The following ACTR1A variants were observed in gnomAD, a reference collection of about 807,000 sequenced individuals.
ACTR1A encodes actin related protein 1A.
ACTR1A carries 10 observed loss-of-function variants against 50.7 expected under a neutral mutation model. That is an observed-to-expected ratio of 0.20 (90% CI 0.12 to 0.33). ACTR1A has a LOEUF of 0.33. Among genes scored for constraint, ACTR1A ranks in the 10% least tolerant of loss-of-function variants. ACTR1A has a pLI of 1.00. For synonymous variants in ACTR1A, 177 were observed against 184.2 expected (o/e 0.96, Z 0.32); for missense variants, 253 against 491.7 (o/e 0.51, Z 4.59).
In ACTR1A at chr10:102,480,745, A is replaced by G; in HGVS notation, c.*118T>C. ...CCACACGGCACTCGCATGTGCACAC[A>G]CACTCATATCCACACACGCACTCAC... is the stretch of plus-strand genomic sequence containing the variant. On this transcript the variant is annotated 3_prime_UTR_variant, in exon 11 of 11. Transcript: ENST00000369905. The G allele has an allele frequency of 3.5e-6, 3 of 860,406 alleles. No homozygotes were observed. Among genetic ancestry groups the G allele is most frequent in the Non-Finnish European group, 5.9e-6 (3 of 510,926 alleles). The allele number at this position is 860,406 out of a possible 1,614,324, so 53.3% of individuals were successfully genotyped here. A position where few individuals can be genotyped will look rare whatever the true frequency, so the allele number is the denominator to read the frequency against.
rs1170805838 is a variant in ACTR1A, at chr10:102,480,098, T to G, written c.*765A>C. The G allele has an allele frequency of 6.3e-6, 1 of 159,480 alleles. No individual in the cohort carries two copies. Among genetic ancestry groups the G allele is most frequent in the African/African-American group, 2.4e-5 (1 of 41,550 alleles). The allele number at this position is 159,480 out of a possible 1,614,324, so 9.9% of individuals were successfully genotyped here. On this transcript the variant is annotated 3_prime_UTR_variant, in exon 11 of 11. Coordinates refer to ENST00000369905, the MANE Select transcript of ACTR1A (RefSeq NM_005736.4). ...CAAACACTTCAATAAATAAAACGGT[T>G]TGAAGATGGCATTGCAACAAGAACA...
intron 6 of ACTR1A, 104 bp from the exon 7 acceptor site, chr10:102,483,207 G>T (rs998011336): frequency 1.2e-5 from 11 of 893,618 alleles, no homozygotes; most frequent in Non-Finnish European, 1.9e-5. Context: ...TCTAAACGTT[G>T]TGATGGCCCC....
At position 102,488,980 on chromosome 10, in the gene ACTR1A, C is replaced by T. The variant is rs138467366; in HGVS notation, c.189+83G>A. ...TTGCCCCTTTTACTTATGGGTATGTCCAAATGTTGGGACATGTTCCATGTG... is the reference window on the plus strand; with the variant it reads ...TTGCCCCTTTTACTTATGGGTATGTTCAAATGTTGGGACATGTTCCATGTG... On this transcript the variant is annotated intron_variant, in intron 3 of 10. Transcript: ENST00000369905. This position sits in a 1 kb window ranked among gnomAD's most constrained non-coding sequence, Gnocchi z 4.4. 1.8e-4 allele frequency: 193 copies of T among 1,085,582 alleles called. 1 individual carries two copies. The African/African-American group carries it at 2.7e-3, about 15-fold the overall frequency. The allele number at this position is 1,085,582 out of a possible 1,614,324, so 67.2% of individuals were successfully genotyped here.
chr10:102,500,843 T>C (rs553643726), intron 1 of ACTR1A, among the ~76,000 whole-genome samples: 1 of 151,952 alleles, frequency 6.6e-6, no homozygotes, highest in East Asian at 1.9e-4. Flanking sequence ...GAGGCCAAGG[T>C]AGGAGAATCG....
chr10:102,488,972 G>A lies in ACTR1A; in HGVS notation c.189+91C>T. The A allele has an allele frequency of 1.1e-6, 1 of 943,414 alleles. No homozygotes were observed. The highest frequency in any genetic ancestry group is 2.8e-5 in the South Asian group (1 of 35,398). The allele number at this position is 943,414 out of a possible 1,614,324, so 58.4% of individuals were successfully genotyped here. On this transcript the variant is annotated intron_variant, in intron 3 of 10. Coordinates refer to ENST00000369905, the MANE Select transcript of ACTR1A (RefSeq NM_005736.4). This position sits in a 1 kb window ranked among gnomAD's most constrained non-coding sequence, Gnocchi z 4.4. Reference sequence around the variant, plus strand: ...AGAGAAAGTTGCCCCTTTTACTTATGGGTATGTCCAAATGTTGGGACATGT... The same window carrying A: ...AGAGAAAGTTGCCCCTTTTACTTATAGGTATGTCCAAATGTTGGGACATGT...
chr10:102,489,760 GC>G (rs1289124423), intron 2 of ACTR1A, among the ~76,000 whole-genome samples: 2 of 152,200 alleles, frequency 1.3e-5, no homozygotes, highest in African/African-American at 4.8e-5. Flanking sequence ...GTTGCAGTGA[GC>G]CGAGATTGCG....
intron 1 of ACTR1A, among the ~76,000 whole-genome samples, chr10:102,497,285 C>T (rs2062227046): frequency 1.3e-5 from 2 of 151,822 alleles, no homozygotes; most frequent in South Asian, 4.2e-4. Context: ...TATGGATGTT[C>T]CTTACACTAT....
At chr10:102,491,756 G>C (rs897717748) in intron 1 of ACTR1A, among the ~76,000 whole-genome samples, 4 of 152,096 alleles carry the variant, frequency 2.6e-5, no homozygotes, top group Admixed American at 2.6e-4. Flanking sequence ...ATTGCTTGTA[G>C]ATACACCCTG....
At chr10:102,501,395 A>G (rs564768074) in intron 1 of ACTR1A, among the ~76,000 whole-genome samples, 8 of 152,316 alleles carry the variant, frequency 5.3e-5, no homozygotes, top group African/African-American at 1.9e-4. Context: ...CTGAATCAAC[A>G]AAGGGAATCT....
chr10:102,500,351 C>T (rs1291431954), intron 1 of ACTR1A, among the ~76,000 whole-genome samples: 1 of 151,926 alleles, frequency 6.6e-6, no homozygotes, highest in Non-Finnish European at 1.5e-5. Flanking sequence ...GGGCGGATCA[C>T]GAGGTCAGGA....
chr10:102,495,011 A>T (rs1259774442), intron 1 of ACTR1A, among the ~76,000 whole-genome samples: 1 of 151,830 alleles, frequency 6.6e-6, no homozygotes, highest in Non-Finnish European at 1.5e-5. Flanking sequence ...GGGTTTCACC[A>T]TGTTGGCCAG....
intron 1 of ACTR1A, among the ~76,000 whole-genome samples, chr10:102,498,090 CAA>C (rs10719520): frequency 4.8e-4 from 63 of 130,486 alleles, no homozygotes; most frequent in Admixed American, 6.2e-4. Flanking sequence ...GACCTTGTCT[CAA>C]AAAAAAAAAA....
chr10:102,491,070 G>C (rs1210145332), intron 1 of ACTR1A, among the ~76,000 whole-genome samples: 1 of 152,120 alleles, frequency 6.6e-6, no homozygotes, highest in Non-Finnish European at 1.5e-5. Flanking sequence ...CACACCAAAA[G>C]AAGGGAAGTG....
At chr10:102,485,465 CCTCT>C in intron 5 of ACTR1A, 140 bp downstream of exon 5, 8 of 1,137,796 alleles carry the variant, frequency 7.0e-6, no homozygotes, top group Non-Finnish European at 9.8e-6. Flanking sequence ...TCAGCAAAAG[CCTCT>C]CTCTCTTTCC....
intron 6 of ACTR1A, 104 bp downstream of exon 6, chr10:102,484,056 C>T: frequency 2.7e-6 from 3 of 1,097,956 alleles, no homozygotes; most frequent in Non-Finnish European, 4.0e-6. Flanking sequence ...CACCAGGGAC[C>T]CCCAGGCAGG....
Position 102,493,001 on chromosome 10 carries a change from CAAAAAAA to C in ACTR1A, c.49-2395_49-2389del, listed in dbSNP as rs398014648. The stretch of plus-strand genomic sequence containing the variant: ...AGGGAGACAGAGTGAGACTCCACCT[CAAAAAAA>C]AAAAAAAAAAAAAAAAGAAGTGGTT... On this transcript the variant is annotated intron_variant, in intron 1 of 10. Coordinates refer to ENST00000369905, the MANE Select transcript of ACTR1A (RefSeq NM_005736.4). Among the ~76,000 whole-genome samples, 3 of 48,930 alleles carry C rather than the reference CAAAAAAA, an allele frequency of 6.1e-5. No homozygotes were observed. The East Asian group carries it at 1.9e-3, about 31-fold the overall frequency. The allele number at this position is 48,930 out of a possible 152,430, so 32.1% of individuals were successfully genotyped here.
At chr10:102,494,895 C>T (rs993163477) in intron 1 of ACTR1A, among the ~76,000 whole-genome samples, 2 of 152,180 alleles carry the variant, frequency 1.3e-5, no homozygotes, top group African/African-American at 4.8e-5. Context: ...ACTGTAACCT[C>T]CGCCTCCTGG....
Position 102,482,309 on chromosome 10 carries a change from A to G in ACTR1A, c.751-134T>C. 1.3e-6 allele frequency: 1 copy of G among 797,566 alleles called. No individual in the cohort carries two copies. Among genetic ancestry groups the G allele is most frequent in the Non-Finnish European group, 2.0e-6 (1 of 495,332 alleles). 49.4% of individuals were successfully genotyped at this position (797,566 alleles called of 1,614,324 possible). A position where few individuals can be genotyped will look rare whatever the true frequency, so the allele number is the denominator to read the frequency against. ...GAAGGCCAGGCTCAAGACAGACTCTACATGTCAAGGGCTTAAAGGAACAAA... is the reference window on the plus strand; with the variant it reads ...GAAGGCCAGGCTCAAGACAGACTCTGCATGTCAAGGGCTTAAAGGAACAAA... On this transcript the variant is annotated intron_variant, in intron 7 of 10. Coordinates refer to ENST00000369905, the MANE Select transcript of ACTR1A (RefSeq NM_005736.4). The surrounding 1 kb of genome is among the most constrained non-coding windows in gnomAD (Gnocchi z 5.6).
chr10:102,484,388 G>A lies in ACTR1A; in HGVS notation c.441-12C>T, dbSNP rs369420863. ...TGCCTGTAGCGTAACTGAAGCAAAG[G>A]GGCAAACCGTCACTCAGCACTGCCT... On this transcript the variant is annotated splice_polypyrimidine_tract_variant and intron_variant, in intron 5 of 10. Transcript: ENST00000369905. 6 of 1,609,024 alleles carry A rather than the reference G, an allele frequency of 3.7e-6. No homozygotes were observed. Among genetic ancestry groups the A allele is most frequent in the Non-Finnish European group, 5.1e-6 (6 of 1,175,732 alleles).
Sources: allele counts gnomAD v4.1 joint callset (sites outside exome capture counted in the v4.1 genomes callset), GRCh38; gene constraint gnomAD v4.1.1; non-coding constraint Gnocchi (gnomAD v3.1); transcripts MANE v1.5; gene names NCBI Gene and HGNC (gene_info 2026-07-23, HGNC 2026-07-21).